The following TEK variants were observed in gnomAD, a reference collection of about 807,000 sequenced individuals.
The protein encoded by TEK is angiopoietin-1 receptor.
A neutral mutation model predicts 131.8 loss-of-function variants in TEK; 43 were observed. The ratio of observed to expected loss-of-function variants is 0.33; its 90% confidence interval spans 0.26 to 0.42. The LOEUF (loss-of-function observed/expected upper bound fraction) is 0.42, where lower values mean the gene tolerates loss of function less well. TEK is among the 10% of genes least tolerant of loss of function. The pLI is 1.00. For synonymous variants in TEK, 580 were observed against 491.6 expected (o/e 1.18, Z -2.38); for missense variants, 1,162 against 1,384.4 (o/e 0.84, Z 2.55).
chr9:27,212,908 A>G lies in TEK; in HGVS notation c.2877+11A>G. 6.2e-7 allele frequency: 1 copy of G among 1,613,126 alleles called. No homozygotes were observed. The highest frequency in any genetic ancestry group is 8.5e-7 in the Non-Finnish European group (1 of 1,179,892). On this transcript the variant is annotated intron_variant, in intron 17 of 22. Transcript: ENST00000380036. ...TTGAGCCAAAAACAGGTTTGTCCGG[A>G]GGACTTCGCTTTGGATATCTTTCCT...
chr9:27,206,857 C>A, intron 15 of TEK, 65 bp downstream of exon 15: 3 of 1,550,138 alleles, frequency 1.9e-6, no homozygotes, highest in South Asian at 1.2e-5. Context: ...ATTTCCTGCT[C>A]ATTCTTTCCT....
intron 7 of TEK, among the ~76,000 whole-genome samples, chr9:27,181,607 T>C (rs1056640582): frequency 6.6e-6 from 1 of 152,188 alleles, no homozygotes; most frequent in Non-Finnish European, 1.5e-5. Context: ...CCATCTGTTA[T>C]TATAAAGAAA....
At chr9:27,202,011 A>C (rs556470378) in intron 12 of TEK, among the ~76,000 whole-genome samples, 1 of 152,340 alleles carries the variant, frequency 6.6e-6, no homozygotes. Context: ...GCTCGAATCC[A>C]TTCTTTTCCT....
At chr9:27,212,983 C>A in intron 17 of TEK, 86 bp downstream of exon 17, 1 of 1,411,230 alleles carries the variant, frequency 7.1e-7, no homozygotes, top group Non-Finnish European at 9.7e-7. Context: ...GGTCTGTCAA[C>A]CTCTCTTCTT....
At chr9:27,218,130 T>TTGGGAG (rs9298888) in intron 19 of TEK, among the ~76,000 whole-genome samples, 1 of 139,514 alleles carries the variant, frequency 7.2e-6, no homozygotes, top group South Asian at 2.5e-4. Flanking sequence ...GGCCAGACAG[T>TTGGGAG]GGCGGGGGTC....
At chr9:27,164,185 A>G (rs1035860565) in intron 2 of TEK, among the ~76,000 whole-genome samples, 4 of 152,168 alleles carry the variant, frequency 2.6e-5, no homozygotes, top group Admixed American at 1.3e-4. Flanking sequence ...GCTTCTCTGT[A>G]CCTTAATTTC....
chr9:27,208,845 C>A (rs751844531), intron 15 of TEK, among the ~76,000 whole-genome samples: 13 of 152,228 alleles, frequency 8.5e-5, no homozygotes, highest in Non-Finnish European at 1.3e-4. Context: ...TTGGCAATAT[C>A]TGGATACATT....
intron 1 of TEK, among the ~76,000 whole-genome samples, chr9:27,128,652 T>C (rs148637089): frequency 5.9e-5 from 9 of 152,224 alleles, no homozygotes; most frequent in African/African-American, 2.2e-4. Flanking sequence ...TTTTATTTCA[T>C]TGAGCAGTGG....
intron 15 of TEK, among the ~76,000 whole-genome samples, chr9:27,207,326 G>C (rs920824943): frequency 1.3e-5 from 2 of 152,108 alleles, no homozygotes; most frequent in Non-Finnish European, 2.9e-5. Flanking sequence ...CATTCACTTG[G>C]GTTTCTTCTA....
intron 1 of TEK, among the ~76,000 whole-genome samples, chr9:27,117,513 G>A (rs985259485): frequency 6.6e-6 from 1 of 152,164 alleles, no homozygotes; most frequent in Non-Finnish European, 1.5e-5. Context: ...GTGCCTTCAG[G>A]AATCTGATCA....
At chr9:27,146,274 A>T (rs1822915681) in intron 1 of TEK, among the ~76,000 whole-genome samples, 1 of 152,164 alleles carries the variant, frequency 6.6e-6, no homozygotes, top group Admixed American at 6.5e-5. Context: ...TTTTATTATA[A>T]TTGTTAAAGT....
At chr9:27,217,849 T>C in intron 19 of TEK, 91 bp downstream of exon 19, 1 of 1,177,602 alleles carries the variant, frequency 8.5e-7, no homozygotes, top group Non-Finnish European at 1.3e-6. Flanking sequence ...AGGAATGTCC[T>C]GTAGCTCTCG....
At chr9:27,201,451 C>CT (rs557981923) in intron 12 of TEK, among the ~76,000 whole-genome samples, 107 of 152,168 alleles carry the variant, frequency 7.0e-4, no homozygotes, top group African/African-American at 1.8e-3. Flanking sequence ...TCTATTACTC[C>CT]TTCAATCTCA....
chr9:27,173,114 T>G (rs544011007), intron 5 of TEK, 108 bp from the exon 6 acceptor site: 9 of 1,449,188 alleles, frequency 6.2e-6, no homozygotes, highest in Non-Finnish European at 8.6e-6. Flanking sequence ...CAGCTGAGAT[T>G]TGACTGTTTC....
Position 27,204,979 on chromosome 9 carries a change from C to G in TEK, c.2278C>G (p.Leu760Val). The G allele has an allele frequency of 6.2e-7, 1 of 1,614,062 alleles. No homozygotes were observed. The highest frequency in any genetic ancestry group is 1.3e-5 in the African/African-American group (1 of 75,026). Reference protein sequence around the residue: ...AILGSAGMTCLTVLLAFLIIL... With the variant: ...AILGSAGMTCVTVLLAFLIIL... Reference sequence around the variant, plus strand: ...CCTTGGCTCTGCTGGAATGACCTGCCTGACTGTGCTGTTGGCCTTTCTGAT... The same window carrying G: ...CCTTGGCTCTGCTGGAATGACCTGCGTGACTGTGCTGTTGGCCTTTCTGAT... The change falls in exon 14 of 23, where the codon CTG (leucine) becomes GTG (valine). Residue 760 changes from leucine to valine, a missense_variant. Physicochemically the swap from Leu to Val is conservative, Grantham distance 32. Transcript: ENST00000380036.
chr9:27,130,234 A>G (rs1587490399), intron 1 of TEK, among the ~76,000 whole-genome samples: 1 of 152,238 alleles, frequency 6.6e-6, no homozygotes, highest in South Asian at 2.1e-4. Context: ...GGCCAGAACC[A>G]GACTTGAGTT....
chr9:27,134,880 G>C (rs1296894364), intron 1 of TEK, among the ~76,000 whole-genome samples: 2 of 152,202 alleles, frequency 1.3e-5, no homozygotes, highest in Non-Finnish European at 2.9e-5. Context: ...GTATGCTGCT[G>C]TGGCTCATTT....
At chr9:27,222,249 A>G (rs930989586) in intron 21 of TEK, among the ~76,000 whole-genome samples, 1 of 152,086 alleles carries the variant, frequency 6.6e-6, no homozygotes, top group Non-Finnish European at 1.5e-5. Flanking sequence ...ACCAAACCTG[A>G]AAGTGATGGG....
chr9:27,173,487 G>T, intron 6 of TEK, 125 bp downstream of exon 6: 1 of 1,193,102 alleles, frequency 8.4e-7, no homozygotes. Flanking sequence ...TGGACAACAG[G>T]ATTTTGAATC....
Sources: gnomAD v4.1 joint callset for allele counts (sites outside exome capture counted in the v4.1 genomes callset) on GRCh38, gnomAD v4.1.1 for gene constraint, MANE v1.5 for transcripts, NCBI Gene and HGNC (gene_info 2026-07-23, HGNC 2026-07-21) for gene names.